GFUS: variants seen among roughly 807,000 people sequenced by gnomAD.
GFUS encodes GDP-L-fucose synthase, also known as 3-5 epimerase/4-reductase.
In GFUS, 42 loss-of-function variants were observed where a neutral mutation model predicts 41.5. That is an observed-to-expected ratio of 1.01 (90% confidence interval 0.79 to 1.31). GFUS has a LOEUF of 1.31. Among genes scored for constraint, GFUS ranks in the 50% most tolerant of loss-of-function variants. The pLI is 0.00. For synonymous variants in GFUS, 188 were observed against 173.4 expected (o/e 1.08, Z -0.66); for missense variants, 437 against 428.7 (o/e 1.02, Z -0.17).
In GFUS at chr8:143,616,724, C is replaced by T. The variant is rs201615175; in HGVS notation, c.-11-1G>A. The T allele has an allele frequency of 6.0e-5, 97 of 1,613,482 alleles. No homozygotes were observed. Among genetic ancestry groups the T allele is most frequent in the Non-Finnish European group, 7.7e-5 (91 of 1,179,978 alleles). On this transcript the variant is annotated splice_acceptor_variant, in intron 1 of 10. Coordinates refer to ENST00000425753, the MANE Select transcript of GFUS (RefSeq NM_003313.4). LOFTEE classifies it low-confidence loss of function (5UTR_SPLICE). The stretch of plus-strand genomic sequence containing the variant: ...TGGGGTTCACCCATGTCAGTTGCAC[C>T]TGTAATGTCAAACAGTGGGAGGCTG...
At chr8:143,614,733 T>G in intron 4 of GFUS, 36 bp from the exon 5 acceptor site, 1 of 1,613,280 alleles carries the variant, frequency 6.2e-7, no homozygotes, top group East Asian at 2.2e-5. Flanking sequence ...CGCTACTTCC[T>G]GGCCCTGCCC....
In GFUS at chr8:143,616,191, T is replaced by A; in HGVS notation, c.176A>T (p.Glu59Val). The change falls in exon 3 of 11, where the codon GAG becomes GTG. Residue 59 changes from glutamate (E) to valine (V), a missense_variant. Transcript: ENST00000425753. ...TDTAQTRALF[E>V]KVQPTHVIHL... is the part of the protein sequence containing the mutation. The stretch of plus-strand genomic sequence containing the variant: ...GATGACGTGTGTGGGTTGGACCTTC[T>A]CAAACAGGGCGCGGGTCTGTGCTGT... 1 of 1,613,910 alleles carries A rather than the reference T, an allele frequency of 6.2e-7. No homozygotes were observed. Among genetic ancestry groups the A allele is most frequent in the Non-Finnish European group, 8.5e-7 (1 of 1,179,918 alleles).
intron 3 of GFUS, among the ~76,000 whole-genome samples, chr8:143,615,294 A>T (rs1829696968): frequency 6.6e-6 from 1 of 152,072 alleles, no homozygotes; most frequent in Non-Finnish European, 1.5e-5. Flanking sequence ...CTACTTCCCC[A>T]CCCTGGAGGA....
In GFUS at chr8:143,613,006, C is replaced by T. The variant is rs2242087; in HGVS notation, c.911-41G>A. On this transcript the variant is annotated intron_variant, in intron 10 of 10. Coordinates refer to ENST00000425753, the MANE Select transcript of GFUS (RefSeq NM_003313.4). Reference sequence around the variant, plus strand: ...GGTGAGGGCCATGGACAGGGAGGGTCGGGGCCGCATGGGAGGAAGTGGGGG... The same window carrying T: ...GGTGAGGGCCATGGACAGGGAGGGTTGGGGCCGCATGGGAGGAAGTGGGGG... The T allele has an allele frequency of 0.2, 327,240 of 1,597,538 alleles. 38,000 individuals carry two copies. The highest frequency in any genetic ancestry group is 0.52 in the East Asian group (23,147 of 44,090).
At chr8:143,615,763 G>A in intron 3 of GFUS, 1 of 277,880 alleles carries the variant, frequency 3.6e-6, no homozygotes, top group Non-Finnish European at 6.7e-6. Flanking sequence ...AGTCCTGGGA[G>A]CCAGAGGCTC....
Position 143,614,402 on chromosome 8 carries a change from G to A in GFUS, c.516C>T (p.Asn172=), listed in dbSNP as rs371061345. ...GCTFTAVIPT[N]VFGPHDNFNI... ...TGAAGTTGTCGTGGGGCCCGAAGAC[G>A]TTGGTGGGGATGACAGCGGTGAAGG... The change falls in exon 6 of 11, where the codon AAC becomes AAT. Residue 172 remains asparagine (N), a synonymous_variant. Transcript: ENST00000425753. The A allele has an allele frequency of 9.2e-5, 149 of 1,613,840 alleles. No individual in the cohort carries two copies. The highest frequency in any genetic ancestry group is 1.2e-4 in the Non-Finnish European group (139 of 1,179,996).
intron 5 of GFUS, 25 bp from the exon 6 acceptor site, chr8:143,614,478 C>T (rs1255051087): frequency 1.9e-6 from 3 of 1,597,652 alleles, no homozygotes; most frequent in African/African-American, 2.7e-5. Context: ...CGTCTCCTGC[C>T]CTCGTCCTGG....
chr8:143,612,790 G>A lies in GFUS; in HGVS notation c.*120C>T, dbSNP rs576764976. ...GGAAAGATGCTTGGGGCTGCAGAGC[G>A]GATGGAATGCAGGCCCAGGTTGCTG... On this transcript the variant is annotated 3_prime_UTR_variant, in exon 11 of 11. Transcript: ENST00000425753. 5.7e-4 allele frequency: 695 copies of A among 1,229,944 alleles called. No individual in the cohort carries two copies. Among genetic ancestry groups the A allele is most frequent in the Non-Finnish European group, 7.1e-4 (624 of 877,648 alleles). The allele number at this position is 1,229,944 out of a possible 1,614,324, so 76.2% of individuals were successfully genotyped here.
chr8:143,614,141 G>C (rs761929040), intron 7 of GFUS, 23 bp downstream of exon 7: 2 of 1,611,784 alleles, frequency 1.2e-6, no homozygotes, highest in Middle Eastern at 1.7e-4. Context: ...TCTCTGGGGA[G>C]AGCTGTGCCT....
intron 3 of GFUS, 46 bp from the exon 4 acceptor site, chr8:143,614,961 C>T: frequency 6.4e-7 from 1 of 1,552,108 alleles, no homozygotes; most frequent in East Asian, 2.3e-5. Context: ...AGGCCAGATC[C>T]CAGCCCTTAC....
chr8:143,612,849 G>C lies in GFUS; in HGVS notation c.*61C>G. 6.4e-7 allele frequency: 1 copy of C among 1,556,634 alleles called. No homozygotes were observed. Among genetic ancestry groups the C allele is most frequent in the Non-Finnish European group, 8.7e-7 (1 of 1,152,934 alleles). ...CCTCAGCTCCTGGCAGGGTTGACGG[G>C]TGGTGGCCGCTGGGCTCTGCCAGCC... On this transcript the variant is annotated 3_prime_UTR_variant, in exon 11 of 11. Coordinates refer to ENST00000425753, the MANE Select transcript of GFUS (RefSeq NM_003313.4).
upstream of GFUS, chr8:143,617,675 C>T (rs1350855683): frequency 6.6e-6 from 1 of 152,144 alleles, no homozygotes; most frequent in Non-Finnish European, 1.5e-5. Context: ...AGCGCAGTCT[C>T]GTCCGCCGGC....
At position 143,614,926 on chromosome 8, in the gene GFUS, G is replaced by A; in HGVS notation, c.262-11C>T. The A allele has an allele frequency of 6.3e-7, 1 of 1,596,628 alleles. No individual in the cohort carries two copies. Among genetic ancestry groups the A allele is most frequent in the Middle Eastern group, 1.7e-4 (1 of 5,986 alleles). ...GTGCACGTTTTTCCTCTGCAGGGGT[G>A]AGGCGGGGACAGTTCAGGCTCCCCA... is the stretch of plus-strand genomic sequence containing the variant. On this transcript the variant is annotated splice_polypyrimidine_tract_variant and intron_variant, in intron 3 of 10. Coordinates refer to ENST00000425753, the MANE Select transcript of GFUS (RefSeq NM_003313.4).
chr8:143,616,375 G>T, intron 2 of GFUS, 155 bp from the exon 3 acceptor site: 1 of 1,150,584 alleles, frequency 8.7e-7, no homozygotes, highest in Non-Finnish European at 1.3e-6. Flanking sequence ...AGGCTTCCAG[G>T]AAGAGATGGG....
Position 143,614,657 on chromosome 8 carries a change from G to A in GFUS, c.431C>T (p.Ser144Leu), listed in dbSNP as rs774763099. 2.9e-5 allele frequency: 47 copies of A among 1,607,260 alleles called. No individual in the cohort carries two copies. The highest frequency in any genetic ancestry group is 3.8e-5 in the Non-Finnish European group (45 of 1,174,914). Residue 144 changes from serine (S) to leucine (L), a missense_variant, in exon 5 of 11, where the codon TCG becomes TTG. Physicochemically the swap from Ser to Leu is moderately radical, Grantham distance 145. Coordinates refer to ENST00000425753, the MANE Select transcript of GFUS (RefSeq NM_003313.4). ...GPPHNSNFGY[S>L]YAKRMIDVQN... The stretch of plus-strand genomic sequence containing the variant: ...CACGTCGATCATCCTCTTGGCATAC[G>A]AGTACCCAAAATTGCTGTTGTGGGG...
intron 7 of GFUS, 49 bp from the exon 8 acceptor site, chr8:143,613,866 CT>C: frequency 6.5e-7 from 1 of 1,541,110 alleles, no homozygotes; most frequent in Non-Finnish European, 8.8e-7. Context: ...AGCCAACCCT[CT>C]CCCAAACGCC....
At position 143,614,034 on chromosome 8, in the gene GFUS, G is replaced by A. The variant is rs563467635; in HGVS notation, c.663+130C>T. ...ACGAGGACCAGAGATGGCTCCTCTT[G>A]GAGCTCAGCCCAGATTCTCTGCTGG... On this transcript the variant is annotated intron_variant, in intron 7 of 10. Transcript: ENST00000425753. 1,244 of 1,344,154 alleles carry A rather than the reference G, an allele frequency of 9.3e-4. 5 individuals carry two copies. The highest frequency in any genetic ancestry group is 1.5e-3 in the Admixed American group (70 of 47,774). 83.3% of individuals were successfully genotyped at this position (1,344,154 alleles called of 1,614,324 possible). A position where few individuals can be genotyped will look rare whatever the true frequency, so the allele number is the denominator to read the frequency against.
Position 143,614,378 on chromosome 8 carries a change from G to A in GFUS, c.540C>T (p.Phe180=). Residue 180 remains phenylalanine (F), a synonymous_variant, in exon 6 of 11, where the codon TTC becomes TTT. Coordinates refer to ENST00000425753, the MANE Select transcript of GFUS (RefSeq NM_003313.4). ...PTNVFGPHDN[F]NIEDGHVLPG... ...GCAGCACGTGGCCATCCTCGATGTTGAAGTTGTCGTGGGGCCCGAAGACGT... is the reference window on the plus strand; with the variant it reads ...GCAGCACGTGGCCATCCTCGATGTTAAAGTTGTCGTGGGGCCCGAAGACGT... The A allele has an allele frequency of 6.2e-7, 1 of 1,613,982 alleles. No individual in the cohort carries two copies. Among genetic ancestry groups the A allele is most frequent in the Non-Finnish European group, 8.5e-7 (1 of 1,179,992 alleles).
chr8:143,617,605 G>A (rs929860943), upstream of GFUS: 18 of 152,144 alleles, frequency 1.2e-4, no homozygotes, highest in African/African-American at 3.9e-4. Context: ...AGTCCCGGGG[G>A]CGCGCAGCGT....
Sources: allele counts gnomAD v4.1 joint callset (sites outside exome capture counted in the v4.1 genomes callset), GRCh38; gene constraint gnomAD v4.1.1; transcripts MANE v1.5; gene names NCBI Gene and HGNC (gene_info 2026-07-23, HGNC 2026-07-21).